Variants in TRIP12 observed in about 807,000 individuals in gnomAD.
The protein encoded by TRIP12 is E3 ubiquitin-protein ligase TRIP12.
TRIP12 carries 25 observed loss-of-function variants against 244.2 expected under a neutral mutation model. The observed-to-expected ratio is 0.10, with a 90% CI of 0.07 to 0.14. TRIP12 has a LOEUF of 0.14. Ranked by LOEUF, TRIP12 falls within the 10% of genes least tolerant of loss-of-function variation. The pLI is 1.00. For synonymous variants in TRIP12, 905 were observed against 873.1 expected (o/e 1.04, Z -0.64); for missense variants, 1,677 against 2,486.4 (o/e 0.67, Z 6.92).
rs537310752 is a variant in TRIP12 at position 229,790,022 on chromosome 2, C to T, written c.4544-260G>A. On this transcript the variant is annotated intron_variant, in intron 30 of 41. Transcript: ENST00000675903. ...CAGGAAAGCTGACTCCTCCACATTT[C>T]TCCTTTATACCAGAAACAATGGCAA... Among the ~76,000 whole-genome samples, 10 of 152,308 alleles carry T rather than the reference C, an allele frequency of 6.6e-5. No individual in the cohort carries two copies. The East Asian group carries it at 1.7e-3, about 26-fold the overall frequency.
chr2:229,859,461 C>G lies in TRIP12; in HGVS notation c.338G>C (p.Gly113Ala). The change falls in exon 4 of 42, where the codon GGA (glycine) becomes GCA (alanine). Residue 113 changes from glycine (G) to alanine (A), a missense_variant. This residue lies in a region of TRIP12 where 387 missense variants were observed against 392.6 expected (regional missense o/e 0.99). Transcript: ENST00000675903. ...GQVPKKDNSRGVKRSASPDYN... is the reference protein window; with the variant it reads ...GQVPKKDNSRAVKRSASPDYN... ...GTCTGGACTAGCACTGCGCTTCACTCCTCGAGAATTGTCTTTCTTAGGCAC... is the reference window on the plus strand; with the variant it reads ...GTCTGGACTAGCACTGCGCTTCACTGCTCGAGAATTGTCTTTCTTAGGCAC... 6.2e-7 allele frequency: 1 copy of G among 1,614,166 alleles called. No homozygotes were observed.
chr2:229,822,096 C>T (rs954190041), intron 8 of TRIP12, among the ~76,000 whole-genome samples: 54 of 152,312 alleles, frequency 3.5e-4, no homozygotes, highest in African/African-American at 1.3e-3. Flanking sequence ...ACCAAGTTCA[C>T]GTCGCTGCAC....
chr2:229,821,439 T>C (rs180792574), intron 8 of TRIP12, among the ~76,000 whole-genome samples: 1 of 152,160 alleles, frequency 6.6e-6, no homozygotes, highest in African/African-American at 2.4e-5. Context: ...AAGGGAGAGA[T>C]AGCAATTATT....
rs370020223 is a variant in TRIP12, at chr2:229,823,601, G to A, written c.1451-5089C>T. 2.6e-5 allele frequency among the ~76,000 whole-genome samples: 4 copies of A among 151,886 alleles called. No individual in the cohort carries two copies. In the East Asian group the frequency reaches 5.8e-4, roughly 22 times the overall value. ...TGACGCAGAAGAATGGCGTGAACCC[G>A]GGAGGCGGAGCTTGCAGTGAGCTGA... On this transcript the variant is annotated intron_variant, in intron 8 of 41. Coordinates refer to ENST00000675903, the MANE Select transcript of TRIP12 (RefSeq NM_001348323.3).
chr2:229,889,271 G>C (rs910689640), intron 1 of TRIP12, among the ~76,000 whole-genome samples: 1 of 152,150 alleles, frequency 6.6e-6, no homozygotes, highest in Non-Finnish European at 1.5e-5. Flanking sequence ...CCCTTCACAA[G>C]GAGGTCCAAA....
At chr2:229,846,492 T>G (rs927757278) in intron 4 of TRIP12, among the ~76,000 whole-genome samples, 1 of 152,232 alleles carries the variant, frequency 6.6e-6, no homozygotes, top group African/African-American at 2.4e-5. Context: ...ATTTATTGCA[T>G]GCTTACTAGA....
rs779458635 is a variant in TRIP12 at position 229,799,349 on chromosome 2, G to A, written c.3241C>T (p.Pro1081Ser). The change falls in exon 22 of 42, where the codon CCA (proline) becomes TCA (serine). Residue 1081 changes from proline (P) to serine (S), a missense_variant. This residue lies in a region of TRIP12 where 572 missense variants were observed against 867.8 expected (regional missense o/e 0.66). Coordinates refer to ENST00000675903, the MANE Select transcript of TRIP12 (RefSeq NM_001348323.3). ...TTTGGCCTTCTTGGCCCTCGTTTTG[G>A]CAGTCGTTTTCTCTTTAGAACATCA... Reference protein sequence around the residue: ...LSDVLKRKRLPKRGPRRPKYS... With the variant: ...LSDVLKRKRLSKRGPRRPKYS... The A allele has an allele frequency of 3.1e-6, 5 of 1,613,952 alleles. No homozygotes were observed. Among genetic ancestry groups the A allele is most frequent in the Admixed American group, 1.7e-5 (1 of 60,000 alleles).
chr2:229,828,484 G>A (rs2052370615), intron 8 of TRIP12, among the ~76,000 whole-genome samples: 1 of 151,858 alleles, frequency 6.6e-6, no homozygotes, highest in Admixed American at 6.6e-5. Context: ...CCAATTCAAG[G>A]AAACAGGCCG....
Position 229,859,467 on chromosome 2 carries a change from G to C in TRIP12, c.332C>G (p.Ser111Cys). Residue 111 changes from serine to cysteine, a missense_variant, in exon 4 of 42, where the codon TCT becomes TGT. By Grantham distance (112) the Ser-to-Cys change is moderately radical. This residue lies in a region of TRIP12 where 387 missense variants were observed against 392.6 expected (regional missense o/e 0.99). Transcript: ENST00000675903. ...KTGQVPKKDN[S>C]RGVKRSASPD... ...ACTAGCACTGCGCTTCACTCCTCGA[G>C]AATTGTCTTTCTTAGGCACCTGCCC... 1 of 1,614,172 alleles carries C rather than the reference G, an allele frequency of 6.2e-7. No individual in the cohort carries two copies. The highest frequency in any genetic ancestry group is 8.5e-7 in the Non-Finnish European group (1 of 1,180,026).
At chr2:229,770,732 G>T (rs972148036) in intron 39 of TRIP12, among the ~76,000 whole-genome samples, 1 of 152,108 alleles carries the variant, frequency 6.6e-6, no homozygotes, top group South Asian at 2.1e-4. Flanking sequence ...TGACCTGGTG[G>T]GAGGTAACTG....
chr2:229,917,338 G>A (rs966064533), intron 1 of TRIP12, among the ~76,000 whole-genome samples: 6 of 116,588 alleles, frequency 5.1e-5, no homozygotes, highest in South Asian at 2.9e-4. Flanking sequence ...CCAAGATCGC[G>A]CCATTGCACT....
At chr2:229,786,728 T>A (rs1259392167) in intron 33 of TRIP12, among the ~76,000 whole-genome samples, 1 of 151,984 alleles carries the variant, frequency 6.6e-6, no homozygotes, top group Non-Finnish European at 1.5e-5. Flanking sequence ...CCAAGAAGAT[T>A]TTTTTAACTA....
chr2:229,859,142 C>T lies in TRIP12; in HGVS notation c.657G>A (p.Lys219=). ...GAEERSAKPT[K]LASKSATSAK... ...CTGAGGTGGCTGATTTTGAAGCCAG[C>T]TTGGTAGGTTTCGCAGATCTCTCTT... The change falls in exon 4 of 42, where the codon AAG becomes AAA. Residue 219 remains lysine, a synonymous_variant. Coordinates refer to ENST00000675903, the MANE Select transcript of TRIP12 (RefSeq NM_001348323.3). The T allele has an allele frequency of 6.2e-7, 1 of 1,614,178 alleles. No homozygotes were observed.
At chr2:229,902,999 TTTTTC>T (rs2071444627) in intron 1 of TRIP12, among the ~76,000 whole-genome samples, 1 of 42,112 alleles carries the variant, frequency 2.4e-5, no homozygotes, top group Non-Finnish European at 3.9e-5. Context: ...TGCGGGTTTT[TTTTTC>T]TTTTTCTTTT....
chr2:229,795,848 A>G (rs935855172), intron 25 of TRIP12, among the ~76,000 whole-genome samples: 1 of 152,222 alleles, frequency 6.6e-6, no homozygotes, highest in African/African-American at 2.4e-5. Context: ...TGAATCTCCA[A>G]TAAATACTAA....
chr2:229,922,459 C>T (rs541179990), upstream of TRIP12: 2 of 1,577,700 alleles, frequency 1.3e-6, no homozygotes, highest in East Asian at 2.2e-5. Context: ...CCCCTTGACC[C>T]CAACCAAGCC....
intron 6 of TRIP12, among the ~76,000 whole-genome samples, chr2:229,832,038 C>T (rs920351324): frequency 1.3e-5 from 2 of 151,838 alleles, no homozygotes; most frequent in South Asian, 2.1e-4. Context: ...ATAACATATG[C>T]GAGTTTAAAG....
At chr2:229,827,547 C>A (rs984314658) in intron 8 of TRIP12, among the ~76,000 whole-genome samples, 2 of 152,002 alleles carry the variant, frequency 1.3e-5, no homozygotes, top group East Asian at 1.9e-4. Context: ...TAGGCCTGCA[C>A]GGGATGAAGA....
chr2:229,781,637 A>C (rs1038068491), intron 34 of TRIP12, among the ~76,000 whole-genome samples: 4 of 152,174 alleles, frequency 2.6e-5, no homozygotes, highest in African/African-American at 9.7e-5. Flanking sequence ...TGTGAGCCCA[A>C]AGACTGGTAT....
Sources: gnomAD v4.1 joint callset for allele counts (sites outside exome capture counted in the v4.1 genomes callset) on GRCh38, gnomAD v4.1.1 for gene constraint, gnomAD v4.1.1 regional missense constraint, MANE v1.5 for transcripts, NCBI Gene and HGNC (gene_info 2026-07-23, HGNC 2026-07-21) for gene names.